The following SPRTN variants were observed in gnomAD, a reference collection of about 807,000 sequenced individuals.
SPRTN encodes the protein SprT-like N-terminal domain, also known as DNA-dependent metalloprotease SPRTN.
A neutral mutation model predicts 31.9 loss-of-function variants in SPRTN; 11 were observed. The ratio of observed to expected loss-of-function variants is 0.34; its 90% CI spans 0.22 to 0.57. SPRTN has a LOEUF of 0.57. Ranked by LOEUF, SPRTN falls within the 20% of genes least tolerant of loss-of-function variation. The probability of loss-of-function intolerance (pLI) is 0.86; values close to 1 mark genes in which losing one functional copy is unlikely to be tolerated. For synonymous variants in SPRTN, 185 were observed against 212.1 expected (o/e 0.87, Z 1.11); for missense variants, 482 against 590.1 (o/e 0.82, Z 1.90).
In SPRTN at chr1:231,354,521, A is replaced by G. The variant is rs1294367173; in HGVS notation, c.*1160A>G. ...TAGAGAACACTTCCATTGCCACAGA[A>G]GGCTTCCTATAGGTGTCTGTTCCCA... is the stretch of plus-strand genomic sequence containing the variant. On this transcript the variant is annotated 3_prime_UTR_variant, in exon 5 of 5. Coordinates refer to ENST00000295050, the MANE Select transcript of SPRTN (RefSeq NM_032018.7). 2.5e-6 allele frequency: 1 copy of G among 403,044 alleles called. No individual in the cohort carries two copies. Among genetic ancestry groups the G allele is most frequent in the Non-Finnish European group, 3.4e-6 (1 of 297,518 alleles). 25.0% of individuals were successfully genotyped at this position (403,044 alleles called of 1,614,324 possible).
intron 2 of SPRTN, among the ~76,000 whole-genome samples, chr1:231,347,226 T>G (rs1406280504): frequency 6.6e-6 from 1 of 152,166 alleles, no homozygotes; most frequent in East Asian, 1.9e-4. Flanking sequence ...TCCTTTTGAG[T>G]GTCATGTCAT....
chr1:231,348,715 A>G (rs946117268), intron 3 of SPRTN, among the ~76,000 whole-genome samples: 6 of 152,112 alleles, frequency 3.9e-5, no homozygotes, highest in African/African-American at 1.2e-4. Context: ...TCATCGTTCC[A>G]GTGGCATCTC....
chr1:231,350,929 A>G (rs1484458341), intron 3 of SPRTN, among the ~76,000 whole-genome samples: 2 of 152,270 alleles, frequency 1.3e-5, no homozygotes, highest in East Asian at 3.9e-4. Flanking sequence ...TTCTTATTTT[A>G]GTATGGTATT....
intron 2 of SPRTN, among the ~76,000 whole-genome samples, chr1:231,347,190 A>T (rs1231169932): frequency 2.0e-5 from 3 of 152,174 alleles, no homozygotes; most frequent in Non-Finnish European, 4.4e-5. Flanking sequence ...CCAAATCTGA[A>T]AATCCGCAAT....
chr1:231,344,255 G>C (rs1239967256), intron 2 of SPRTN, among the ~76,000 whole-genome samples: 2 of 152,154 alleles, frequency 1.3e-5, no homozygotes, highest in African/African-American at 4.8e-5. Context: ...GCTGGGTACA[G>C]TGGCTCATGC....
intron 1 of SPRTN, chr1:231,339,447 C>G: frequency 1.8e-6 from 1 of 555,482 alleles, no homozygotes; most frequent in Non-Finnish European, 3.4e-6. Context: ...TGGTCCGCAT[C>G]GTATTCCACT....
Position 231,338,497 on chromosome 1 carries a change from G to A in SPRTN, c.114G>A (p.Leu38=), listed in dbSNP as rs775990516. 7.4e-6 allele frequency: 12 copies of A among 1,614,248 alleles called. No individual in the cohort carries two copies. Among genetic ancestry groups the A allele is most frequent in the Non-Finnish European group, 5.9e-6 (7 of 1,180,038 alleles). ...SLSLVDASWE[L]VDPTPDLQAL... Reference sequence around the variant, plus strand: ...CGCTAGTGGACGCGTCGTGGGAGTTGGTGGACCCCACACCGGACTTGCAGG... The same window carrying A: ...CGCTAGTGGACGCGTCGTGGGAGTTAGTGGACCCCACACCGGACTTGCAGG... Residue 38 remains leucine (L), a synonymous_variant, in exon 1 of 5, where the codon TTG becomes TTA. Transcript: ENST00000295050.
At chr1:231,345,119 TTTTCTTTC>T (rs199632267) in intron 2 of SPRTN, among the ~76,000 whole-genome samples, 5 of 151,904 alleles carry the variant, frequency 3.3e-5, no homozygotes, top group African/African-American at 4.8e-5. Flanking sequence ...TTTTCTTTTC[TTTTCTTTC>T]TTTCTTTCTT....
intron 3 of SPRTN, among the ~76,000 whole-genome samples, chr1:231,348,670 G>A (rs1025728979): frequency 6.6e-6 from 1 of 151,998 alleles, no homozygotes; most frequent in Non-Finnish European, 1.5e-5. Context: ...CTTCCCTGAG[G>A]CGTGCCACTG....
chr1:231,342,142 A>G (rs1207346239), intron 2 of SPRTN, among the ~76,000 whole-genome samples: 1 of 152,200 alleles, frequency 6.6e-6, no homozygotes, highest in African/African-American at 2.4e-5. Context: ...AAAAAATAAT[A>G]CACATTTTAA....
Position 231,351,434 on chromosome 1 carries a change from A to T in SPRTN, c.581A>T (p.His194Leu), listed in dbSNP as rs1356202952. The T allele has an allele frequency of 1.2e-6, 2 of 1,614,176 alleles. No individual in the cohort carries two copies. Among genetic ancestry groups the T allele is most frequent in the East Asian group, 4.5e-5 (2 of 44,876 alleles). The change falls in exon 4 of 5, where the codon CAT (histidine) becomes CTT (leucine). Residue 194 changes from histidine (H) to leucine (L), a missense_variant. His to Leu is a moderately conservative substitution (Grantham distance 99, BLOSUM62 -3). Transcript: ENST00000295050. ...GCTACTAACAGGGAACCCTCTGCTC[A>T]TGACTATTGGTGGGCTGAGCACCAG... ...KRATNREPSA[H>L]DYWWAEHQKT...
At position 231,351,579 on chromosome 1, in the gene SPRTN, C is replaced by T. The variant is rs368787875; in HGVS notation, c.718+8C>T. On this transcript the variant is annotated splice_region_variant and intron_variant, in intron 4 of 4. Transcript: ENST00000295050. ...TGGCCGCAGAGAATAAAGGTACCTT[C>T]GTGTATATTCTTCTGATTTTTATGT... The T allele has an allele frequency of 5.6e-6, 9 of 1,612,490 alleles. No homozygotes were observed. In the Admixed American group the frequency reaches 6.7e-5, roughly 12 times the overall value.
At chr1:231,346,448 G>C (rs1257916893) in intron 2 of SPRTN, among the ~76,000 whole-genome samples, 3 of 150,696 alleles carry the variant, frequency 2.0e-5, no homozygotes, top group African/African-American at 7.3e-5. Flanking sequence ...CTCGTGATCC[G>C]GAAGTTGGGC....
chr1:231,339,865 A>G lies in SPRTN; in HGVS notation c.318A>G (p.Val106=), dbSNP rs758566090. The G allele has an allele frequency of 5.0e-6, 8 of 1,613,982 alleles. No individual in the cohort carries two copies. The South Asian group carries it at 8.8e-5, about 18-fold the overall frequency. The change falls in exon 2 of 5, where the codon GTA becomes GTG. Residue 106 remains valine, a synonymous_variant. Transcript: ENST00000295050. ...LLKLRPRKDL[V]ETLLHEMIHA... ...AGTTGAGGCCAAGAAAGGATCTTGT[A>G]GAGGTATTTTTCGTGTAAACTTGCT... is the stretch of plus-strand genomic sequence containing the variant.
chr1:231,348,046 C>T (rs1398727812), intron 3 of SPRTN, 121 bp downstream of exon 3: 6 of 1,386,880 alleles, frequency 4.3e-6, no homozygotes, highest in Admixed American at 2.4e-5. Context: ...CCACAGCGAA[C>T]GAGAGGCCTA....
chr1:231,351,205 TAAAA>T (rs35814914), intron 3 of SPRTN, 95 bp from the exon 4 acceptor site: 55,988 of 958,662 alleles, frequency 0.058, 21 homozygotes, highest in East Asian at 0.11. Flanking sequence ...TTTCAAAAAT[TAAAA>T]AAAAAAAAAA....
chr1:231,347,755 T>C, intron 2 of SPRTN, 42 bp from the exon 3 acceptor site: 1 of 1,578,674 alleles, frequency 6.3e-7, no homozygotes. Context: ...TTCCAAAGTG[T>C]CATACAGACT....
Position 231,338,313 on chromosome 1 carries a change from C to T in SPRTN, c.-71C>T. The T allele has an allele frequency of 3.2e-6, 5 of 1,545,256 alleles. No individual in the cohort carries two copies. The highest frequency in any genetic ancestry group is 4.4e-6 in the Non-Finnish European group (5 of 1,129,904). On this transcript the variant is annotated 5_prime_UTR_variant, in exon 1 of 5. Coordinates refer to ENST00000295050, the MANE Select transcript of SPRTN (RefSeq NM_032018.7). ...GAGCTAGTCCTGGTCCTCGGCTAGGCGGCTTGGGGTCGCGGCGTAACTGGG... is the reference window on the plus strand; with the variant it reads ...GAGCTAGTCCTGGTCCTCGGCTAGGTGGCTTGGGGTCGCGGCGTAACTGGG...
Position 231,347,894 on chromosome 1 carries a change from G to C in SPRTN, c.419G>C (p.Arg140Pro), listed in dbSNP as rs766305995. 6.8e-6 allele frequency: 11 copies of C among 1,613,420 alleles called. No homozygotes were observed. Among genetic ancestry groups the C allele is most frequent in the Non-Finnish European group, 5.1e-6 (6 of 1,179,878 alleles). Residue 140 changes from arginine (R) to proline (P), a missense_variant, in exon 3 of 5, where the codon CGC becomes CCC. Physicochemically the swap from Arg to Pro is moderately radical, Grantham distance 103. Transcript: ENST00000295050. ...HGPEFCKHMH[R>P]INSLTGANIT... ...CCAGAATTTTGTAAACATATGCATC[G>C]CATCAACAGCCTGACTGGAGCCAAT...
Sources: allele counts gnomAD v4.1 joint callset (sites outside exome capture counted in the v4.1 genomes callset), GRCh38; gene constraint gnomAD v4.1.1; transcripts MANE v1.5; gene names NCBI Gene and HGNC (gene_info 2026-07-23, HGNC 2026-07-21).